The following UNKL variants were observed in gnomAD, a reference collection of about 807,000 sequenced individuals.
UNKL encodes the protein unk like zinc finger.
UNKL carries 60 observed loss-of-function variants against 78.0 expected under a neutral mutation model. The observed-to-expected ratio is 0.77, with a 90% CI of 0.63 to 0.95. The LOEUF is 0.95. Among genes scored for constraint, UNKL ranks in the 40% least tolerant of loss-of-function variants. UNKL has a pLI of 0.00. For missense variants in UNKL, 1,159 were observed against 1,045.7 expected, an observed-to-expected ratio of 1.11 and a Z score of -1.49; for synonymous variants, 608 against 474.8, an observed-to-expected ratio of 1.28 and a Z score of -3.65.
chr16:1,412,982 TCA>T (rs1567244649), intron 2 of UNKL, among the ~76,000 whole-genome samples: 1 of 152,158 alleles, frequency 6.6e-6, no homozygotes, highest in African/African-American at 2.4e-5. Context: ...GCACAGTGGC[TCA>T]CACCTGGAAT....
At chr16:1,391,404 C>T (rs2142129944) in intron 8 of UNKL, among the ~76,000 whole-genome samples, 1 of 152,226 alleles carries the variant, frequency 6.6e-6, no homozygotes, top group South Asian at 2.1e-4. Flanking sequence ...TAAAGCAATC[C>T]TCCTGTCTCA....
At chr16:1,366,553 A>G (rs973931986) in intron 14 of UNKL, among the ~76,000 whole-genome samples, 158 bp from the exon 15 acceptor site, 8 of 151,564 alleles carry the variant, frequency 5.3e-5, no homozygotes, top group Non-Finnish European at 1.2e-4. Flanking sequence ...GGGCCACCTC[A>G]GGGAGAAGGC....
rs1292572138 is a variant in UNKL, at chr16:1,403,685, A to G, written c.288-341T>C. On this transcript the variant is annotated intron_variant, in intron 2 of 14. Transcript: ENST00000389221. This position sits in a 1 kb window ranked among gnomAD's most constrained non-coding sequence, Gnocchi z 4.8. ...CCTAATGTTCCAAATAAACCTTTAA[A>G]CCTGTGTGGGAATGAGAGTTCATGC... 6.6e-6 allele frequency among the ~76,000 whole-genome samples: 1 copy of G among 152,054 alleles called. No individual in the cohort carries two copies. Among genetic ancestry groups the G allele is most frequent in the African/African-American group, 2.4e-5 (1 of 41,394 alleles).
intron 14 of UNKL, 71 bp from the exon 15 acceptor site, chr16:1,366,466 C>T (rs1239287259): frequency 3.4e-6 from 5 of 1,469,424 alleles, no homozygotes; most frequent in Non-Finnish European, 4.5e-6. Context: ...AGCCGGAGGG[C>T]CTTCCGGGCA....
At chr16:1,401,751 A>C (rs773660387) in intron 3 of UNKL, 50 bp from the exon 4 acceptor site, 1 of 1,563,550 alleles carries the variant, frequency 6.4e-7, no homozygotes, top group South Asian at 1.1e-5. Flanking sequence ...GAGCCTCCAA[A>C]GCTGAAACGA....
chr16:1,412,358 C>T (rs1424237867), intron 2 of UNKL: 1 of 152,290 alleles, frequency 6.6e-6, no homozygotes, highest in Non-Finnish European at 1.5e-5. Context: ...CGCCTGTAAT[C>T]CCAGCACTTT....
chr16:1,387,297 T>C lies in UNKL; in HGVS notation c.1087-1912A>G, dbSNP rs1047647085. On this transcript the variant is annotated intron_variant, in intron 9 of 14. Coordinates refer to ENST00000389221, the MANE Select transcript of UNKL (RefSeq NM_001372107.1). This position sits in a 1 kb window ranked among gnomAD's most constrained non-coding sequence, Gnocchi z 4.1. Reference sequence around the variant, plus strand: ...CCCCATGGTGAGCCTGGTGACAGGGTTGCTGGAAGCCTCATGTTCTCCAGC... The same window carrying C: ...CCCCATGGTGAGCCTGGTGACAGGGCTGCTGGAAGCCTCATGTTCTCCAGC... Among the ~76,000 whole-genome samples, 4 of 151,988 alleles carry C rather than the reference T, an allele frequency of 2.6e-5. No individual in the cohort carries two copies. Among genetic ancestry groups the C allele is most frequent in the Non-Finnish European group, 5.9e-5 (4 of 67,986 alleles).
chr16:1,396,632 T>C (rs1172609239), intron 6 of UNKL, among the ~76,000 whole-genome samples: 1 of 151,992 alleles, frequency 6.6e-6, no homozygotes, highest in South Asian at 2.1e-4. Flanking sequence ...CTTGCTCTGT[T>C]GCCCAGGCCA....
Position 1,399,719 on chromosome 16 carries a change from C to T in UNKL, c.599-210G>A, listed in dbSNP as rs746418686. Among the ~76,000 whole-genome samples, 5 of 152,186 alleles carry T rather than the reference C, an allele frequency of 3.3e-5. No individual in the cohort carries two copies. In the South Asian group the frequency reaches 6.2e-4, roughly 19 times the overall value. ...GGCCAGAAGGCCACGTGGTGTGATT[C>T]TGTTTATGTGAAAATGCCCAGAACT... On this transcript the variant is annotated intron_variant, in intron 4 of 14. Transcript: ENST00000389221. The surrounding 1 kb of genome is among the most constrained non-coding windows in gnomAD (Gnocchi z 5.8).
chr16:1,367,483 G>GCCCCCCCCCC, intron 13 of UNKL, 134 bp from the exon 14 acceptor site: 1 of 568,654 alleles, frequency 1.8e-6, no homozygotes, highest in South Asian at 2.3e-5. Flanking sequence ...GACCCCTGCG[G>GCCCCCCCCCC]CCCTCCCTCC....
intron 2 of UNKL, among the ~76,000 whole-genome samples, chr16:1,413,239 G>C (rs2038122862): frequency 1.1e-5 from 1 of 93,838 alleles, no homozygotes; most frequent in South Asian, 4.4e-4. Context: ...GCAAGACCCT[G>C]TCTCAAAAAA....
rs546295462 is a variant in UNKL at position 1,413,243 on chromosome 16, C to CA, written c.287+602dup. The stretch of plus-strand genomic sequence containing the variant: ...CCAGCGACAGAGCAAGACCCTGTCT[C>CA]AAAAAAAAAAAAAAAAAAAAAAAAA... On this transcript the variant is annotated intron_variant, in intron 2 of 14. Coordinates refer to ENST00000389221, the MANE Select transcript of UNKL (RefSeq NM_001372107.1). Among the ~76,000 whole-genome samples, 126 of 71,650 alleles carry CA rather than the reference C, an allele frequency of 1.8e-3. 2 individuals carry two copies. The highest frequency in any genetic ancestry group is 9.8e-3 in the Middle Eastern group (1 of 102). The allele number at this position is 71,650 out of a possible 152,430, so 47.0% of individuals were successfully genotyped here.
intron 10 of UNKL, among the ~76,000 whole-genome samples, chr16:1,378,495 C>G (rs559345368): frequency 3.3e-5 from 5 of 152,354 alleles, no homozygotes; most frequent in Admixed American, 3.3e-4. Context: ...CTTTTCTCCC[C>G]TTGGAGTGGG....
intron 12 of UNKL, chr16:1,368,070 C>G: frequency 1.9e-6 from 1 of 525,426 alleles, no homozygotes; most frequent in Non-Finnish European, 3.4e-6. Context: ...CCTGCCCCGG[C>G]CGGTCTCCCC....
intron 2 of UNKL, 126 bp downstream of exon 2, chr16:1,413,720 A>T: frequency 1.8e-6 from 2 of 1,087,190 alleles, no homozygotes; most frequent in Non-Finnish European, 2.6e-6. Flanking sequence ...TTCAGCGTAT[A>T]ATTACGACTC....
chr16:1,406,004 C>G, intron 2 of UNKL: 1 of 456,728 alleles, frequency 2.2e-6, no homozygotes, highest in South Asian at 1.5e-5. Context: ...CCCATGTGGT[C>G]CCCCCAGCTG....
In UNKL at chr16:1,378,174, G is replaced by A. The variant is rs576892782; in HGVS notation, c.1265-6563C>T. ...AATGCCCCCCACTACATCCTTGCAG[G>A]TGTCAGCCTGAACCATGTCAGGGCC... On this transcript the variant is annotated intron_variant, in intron 10 of 14. Transcript: ENST00000389221. 1.4e-3 allele frequency among the ~76,000 whole-genome samples: 218 copies of A among 152,288 alleles called. 1 individual carries two copies. Among genetic ancestry groups the A allele is most frequent in the Middle Eastern group, 3.4e-3 (1 of 294 alleles).
intron 12 of UNKL, among the ~76,000 whole-genome samples, chr16:1,369,541 G>T (rs967188375): frequency 2.0e-5 from 3 of 151,914 alleles, no homozygotes; most frequent in African/African-American, 7.3e-5. Flanking sequence ...GGCTAATTTT[G>T]TATTTTTAGT....
intron 3 of UNKL, 148 bp from the exon 4 acceptor site, chr16:1,401,849 C>T: frequency 8.8e-7 from 1 of 1,131,032 alleles, no homozygotes; most frequent in East Asian, 2.7e-5. Context: ...GTGTGGCGCT[C>T]CGCTGTCCTG....
Sources: gnomAD v4.1 joint callset for allele counts (sites outside exome capture counted in the v4.1 genomes callset) on GRCh38, gnomAD v4.1.1 for gene constraint, Gnocchi (gnomAD v3.1) non-coding constraint, MANE v1.5 for transcripts, NCBI Gene and HGNC (gene_info 2026-07-23, HGNC 2026-07-21) for gene names.